Variants in NCAPG observed in about 807,000 individuals in gnomAD.
NCAPG encodes non-SMC condensin I complex subunit G, also known as condensin complex subunit 3.
NCAPG carries 69 observed loss-of-function variants against 113.1 expected under a neutral mutation model. That is an observed-to-expected ratio of 0.61 (90% CI 0.50 to 0.75). The LOEUF is 0.75. Among genes scored for constraint, NCAPG ranks in the 30% least tolerant of loss-of-function variants. NCAPG has a pLI of 0.00. For missense variants in NCAPG, 1,058 were observed against 1,177.0 expected (o/e 0.90, Z 1.48); for synonymous variants, 370 against 415.8 (o/e 0.89, Z 1.34).
chr4:17,834,347 A>G lies in NCAPG; in HGVS notation c.1933A>G (p.Ile645Val), dbSNP rs1207931097. 6.2e-7 allele frequency: 1 copy of G among 1,606,936 alleles called. No individual in the cohort carries two copies. The highest frequency in any genetic ancestry group is 8.5e-7 in the Non-Finnish European group (1 of 1,176,498). The change falls in exon 14 of 21, where the codon ATC becomes GTC. Residue 645 changes from isoleucine (I) to valine (V), a missense_variant. By Grantham distance (29) the Ile-to-Val change is conservative. Transcript: ENST00000251496. Reference sequence around the variant, plus strand: ...AATAAAAATAAGTGCTTTAAAGGCAATCTTTGACCAACTGATGACGTTCGG... The same window carrying G: ...AATAAAAATAAGTGCTTTAAAGGCAGTCTTTGACCAACTGATGACGTTCGG... The part of the protein sequence containing the change: ...VTIKISALKA[I>V]FDQLMTFGIE...
chr4:17,818,232 G>A (rs997355341), intron 7 of NCAPG, 144 bp downstream of exon 7: 1 of 753,520 alleles, frequency 1.3e-6, no homozygotes, highest in Admixed American at 3.2e-5. Context: ...TATACATCGA[G>A]TCTTTTTGAA....
At chr4:17,834,252 A>G in intron 13 of NCAPG, 47 bp from the exon 14 acceptor site, 1 of 1,243,470 alleles carries the variant, frequency 8.0e-7, no homozygotes, top group South Asian at 1.7e-5. Flanking sequence ...CAGAAACAAA[A>G]CAGTTTACTG....
At chr4:17,814,596 C>A (rs1401925941) in intron 3 of NCAPG, among the ~76,000 whole-genome samples, 1 of 152,158 alleles carries the variant, frequency 6.6e-6, no homozygotes, top group Non-Finnish European at 1.5e-5. Flanking sequence ...ACTACCATGC[C>A]TAGCTAATTT....
Position 17,831,008 on chromosome 4 carries a change from A to C in NCAPG, c.1776A>C (p.Gly592=). 6.2e-7 allele frequency: 1 copy of C among 1,611,538 alleles called. No homozygotes were observed. The highest frequency in any genetic ancestry group is 8.5e-7 in the Non-Finnish European group (1 of 1,178,736). The change falls in exon 13 of 21, where the codon GGA becomes GGC. Residue 592 remains glycine (G), a synonymous_variant. Coordinates refer to ENST00000251496, the MANE Select transcript of NCAPG (RefSeq NM_022346.5). ...CTGATTCATTTTAGATTCTTCCTGG[A>C]ATAATAAGTATTCATCCTGTTGTAA... ...NGIIESLILP[G]IISIHPVVRN...
chr4:17,825,586 A>T, intron 11 of NCAPG, 25 bp downstream of exon 11: 1 of 1,550,370 alleles, frequency 6.5e-7, no homozygotes, highest in East Asian at 2.3e-5. Context: ...TTTCATACTA[A>T]ATCTCAGGTG....
chr4:17,823,752 T>C lies in NCAPG; in HGVS notation c.1365T>C (p.Asp455=). 1 of 1,596,862 alleles carries C rather than the reference T, an allele frequency of 6.3e-7. No homozygotes were observed. The highest frequency in any genetic ancestry group is 8.6e-7 in the Non-Finnish European group (1 of 1,167,422). ...VERLLHIIID[D]NKRTQIVTEI... is the part of the protein sequence containing the mutation. ...GACTACTCCACATCATTATAGATGA[T>C]AATAAGAGAACACAAATTGTAAGTA... The change falls in exon 9 of 21, where the codon GAT becomes GAC. Residue 455 remains aspartate, a synonymous_variant. Coordinates refer to ENST00000251496, the MANE Select transcript of NCAPG (RefSeq NM_022346.5).
At chr4:17,815,204 A>G (rs1721153191) in intron 4 of NCAPG, 70 bp from the exon 5 acceptor site, 2 of 1,379,390 alleles carry the variant, frequency 1.4e-6, no homozygotes, top group East Asian at 2.3e-5. Context: ...ATTTTCTAAG[A>G]TGGTGATATT....
Position 17,840,709 on chromosome 4 carries a change from A to G in NCAPG, c.2854+16A>G. ...ACTAACAGAGGTAGTGTGTGGATTG[A>G]CCATCTTTATGATAAAAGTTTTAAA... On this transcript the variant is annotated intron_variant, in intron 19 of 20. Transcript: ENST00000251496. 1 of 1,442,422 alleles carries G rather than the reference A, an allele frequency of 6.9e-7. No homozygotes were observed. The highest frequency in any genetic ancestry group is 9.2e-7 in the Non-Finnish European group (1 of 1,091,606). The allele number at this position is 1,442,422 out of a possible 1,614,324, so 89.4% of individuals were successfully genotyped here.
rs376566994 is a variant in NCAPG at position 17,843,310 on chromosome 4, A to G, written c.2933A>G (p.Glu978Gly). The G allele has an allele frequency of 1.9e-6, 3 of 1,611,440 alleles. No individual in the cohort carries two copies. In the South Asian group the frequency reaches 3.3e-5, roughly 18 times the overall value. The change falls in exon 21 of 21, where the codon GAA becomes GGA. Residue 978 changes from glutamate to glycine, a missense_variant. Coordinates refer to ENST00000251496, the MANE Select transcript of NCAPG (RefSeq NM_022346.5). ...TAEADSESDH[E>G]VPEPESEMKM... Reference sequence around the variant, plus strand: ...TTTCAACATCTATTTAGTGATCATGAAGTTCCAGAACCAGAATCAGAAATG... The same window carrying G: ...TTTCAACATCTATTTAGTGATCATGGAGTTCCAGAACCAGAATCAGAAATG...
chr4:17,820,568 C>T (rs561212956), intron 7 of NCAPG, among the ~76,000 whole-genome samples: 5 of 152,162 alleles, frequency 3.3e-5, no homozygotes, highest in African/African-American at 2.4e-5. Context: ...CGCCACTGCA[C>T]TCCAGCCTGG....
At chr4:17,834,688 C>T (rs1240002062) in intron 14 of NCAPG, among the ~76,000 whole-genome samples, 165 bp downstream of exon 14, 2 of 152,048 alleles carry the variant, frequency 1.3e-5, no homozygotes, top group Non-Finnish European at 2.9e-5. Context: ...TTGCTGCACC[C>T]ATCAACCCAT....
At chr4:17,813,281 C>A (rs1721071337) in intron 3 of NCAPG, 136 bp downstream of exon 3, 2 of 657,988 alleles carry the variant, frequency 3.0e-6, no homozygotes, top group Admixed American at 3.8e-5. Context: ...ACAAAAAAAA[C>A]CTAAGTAGCA....
intron 20 of NCAPG, chr4:17,842,987 G>T (rs186921147): frequency 2.2e-5 from 4 of 177,834 alleles, no homozygotes; most frequent in Non-Finnish European, 3.6e-5. Flanking sequence ...GAGTTTCAAA[G>T]AAATCTCTTT....
rs993583311 is a variant in NCAPG at position 17,811,825 on chromosome 4, T to C, written c.112-396T>C. Among the ~76,000 whole-genome samples the C allele has an allele frequency of 6.6e-6, 1 of 151,724 alleles. No individual in the cohort carries two copies. Among genetic ancestry groups the C allele is most frequent in the Non-Finnish European group, 1.5e-5 (1 of 67,890 alleles). Reference sequence around the variant, plus strand: ...ATCACAGGGCTTTGAGGATATGAGATAGGATGTGCAAGTTATCTCATAAAG... The same window carrying C: ...ATCACAGGGCTTTGAGGATATGAGACAGGATGTGCAAGTTATCTCATAAAG... On this transcript the variant is annotated intron_variant, in intron 1 of 20. Coordinates refer to ENST00000251496, the MANE Select transcript of NCAPG (RefSeq NM_022346.5). The surrounding 1 kb of genome is among the most constrained non-coding windows in gnomAD (Gnocchi z 5.3).
At chr4:17,814,524 G>A (rs973988164) in intron 3 of NCAPG, among the ~76,000 whole-genome samples, 1 of 152,188 alleles carries the variant, frequency 6.6e-6, no homozygotes, top group African/African-American at 2.4e-5. Context: ...CAGAGGTGTG[G>A]CCTCAAACTC....
rs575513163 is a variant in NCAPG at position 17,837,672 on chromosome 4, A to T, written c.2337A>T (p.Gln779His). ...AAGAAGCTTTTCTTCCAACCCTGCA[A>T]ACACTGGCCAATGCCCCTGCATCTT... is the stretch of plus-strand genomic sequence containing the variant. ...CFEEAFLPTL[Q>H]TLANAPASSP... Residue 779 changes from glutamine (Q) to histidine (H), a missense_variant, in exon 16 of 21, where the codon CAA (glutamine) becomes CAT (histidine). Physicochemically the swap from Gln to His is conservative, Grantham distance 24 (BLOSUM62 0). Coordinates refer to ENST00000251496, the MANE Select transcript of NCAPG (RefSeq NM_022346.5). The T allele has an allele frequency of 5.0e-6, 8 of 1,614,000 alleles. No individual in the cohort carries two copies. In the African/African-American group the frequency reaches 1.1e-4, roughly 22 times the overall value.
intron 1 of NCAPG, 60 bp from the exon 2 acceptor site, chr4:17,812,161 A>C: frequency 8.1e-7 from 1 of 1,236,440 alleles, no homozygotes; most frequent in Non-Finnish European, 1.2e-6. Context: ...TCTTAGGGTG[A>C]TGTTGGGAAT....
chr4:17,825,988 C>A (rs992087241), intron 11 of NCAPG, among the ~76,000 whole-genome samples: 4 of 151,996 alleles, frequency 2.6e-5, no homozygotes, highest in South Asian at 2.1e-4. Flanking sequence ...TTTTTTAAAG[C>A]TAAATTACTT....
At chr4:17,834,912 A>G (rs1722032965) in intron 14 of NCAPG, among the ~76,000 whole-genome samples, 1 of 152,246 alleles carries the variant, frequency 6.6e-6, no homozygotes, top group Non-Finnish European at 1.5e-5. Context: ...ATCAAATTGT[A>G]TATGCAAAGA....
Sources: allele counts gnomAD v4.1 joint callset (sites outside exome capture counted in the v4.1 genomes callset), GRCh38; gene constraint gnomAD v4.1.1; non-coding constraint Gnocchi (gnomAD v3.1); transcripts MANE v1.5; gene names NCBI Gene and HGNC (gene_info 2026-07-23, HGNC 2026-07-21).